IL7: variants seen among roughly 807,000 people sequenced by gnomAD.
IL7 encodes the protein interleukin 7.
IL7 carries 3 observed loss-of-function variants against 21.6 expected under a neutral mutation model. The ratio of observed to expected loss-of-function variants is 0.14; its 90% confidence interval spans 0.06 to 0.36. IL7 has a LOEUF of 0.36. Among genes scored for constraint, IL7 ranks in the 10% least tolerant of loss-of-function variants. The pLI, the probability that IL7 is intolerant of heterozygous loss-of-function variation, is 1.00. For synonymous variants in IL7, 62 were observed against 68.1 expected (o/e 0.91, Z 0.44); for missense variants, 175 against 200.2 (o/e 0.87, Z 0.76).
intron 3 of IL7, among the ~76,000 whole-genome samples, chr8:78,701,670 A>G (rs1016931345): frequency 1.3e-5 from 2 of 152,212 alleles, no homozygotes; most frequent in Non-Finnish European, 2.9e-5. Flanking sequence ...TGTTCCTGCA[A>G]TACCTAGTTT....
downstream of IL7, among the ~76,000 whole-genome samples, chr8:78,732,422 T>C (rs1811443555): frequency 6.6e-6 from 1 of 152,094 alleles, no homozygotes; most frequent in Admixed American, 6.6e-5. Flanking sequence ...GAGCATCTTC[T>C]GTAGATCAAA....
intron 3 of IL7, among the ~76,000 whole-genome samples, chr8:78,710,964 C>T (rs1485729265): frequency 6.6e-6 from 1 of 152,044 alleles, no homozygotes; most frequent in African/African-American, 2.4e-5. Context: ...AAAATGAACA[C>T]ATTCTTTTCA....
chr8:78,770,545 C>G (rs751262111), intron 2 of IL7, among the ~76,000 whole-genome samples: 4 of 152,050 alleles, frequency 2.6e-5, no homozygotes, highest in African/African-American at 7.2e-5. Flanking sequence ...TTATTCTGAA[C>G]TTTTGCTTCT....
At chr8:78,694,192 T>C (rs1013121446) in intron 3 of IL7, among the ~76,000 whole-genome samples, 2 of 152,190 alleles carry the variant, frequency 1.3e-5, no homozygotes, top group African/African-American at 4.8e-5. Flanking sequence ...TTCATAGTTG[T>C]CTGCTATTTC....
chr8:78,726,812 C>T (rs1811348967), intron 3 of IL7, among the ~76,000 whole-genome samples: 1 of 151,946 alleles, frequency 6.6e-6, no homozygotes, highest in African/African-American at 2.4e-5. Flanking sequence ...TGTTTGTTAT[C>T]GACTCAACTA....
At chr8:78,676,282 T>C (rs1012508772) in intron 4 of IL7, among the ~76,000 whole-genome samples, 4 of 151,876 alleles carry the variant, frequency 2.6e-5, no homozygotes, top group African/African-American at 9.7e-5. Context: ...TGAAGCTGGG[T>C]GATGAGTAGT....
At chr8:78,740,804 C>T (rs1232217817) in intron 2 of IL7, among the ~76,000 whole-genome samples, 3 of 151,930 alleles carry the variant, frequency 2.0e-5, no homozygotes, top group African/African-American at 7.3e-5. Flanking sequence ...TTTCCTGAGA[C>T]AGTGTAATTA....
Position 78,697,273 on chromosome 8 carries a change from C to T in IL7, n.215-11326G>A, listed in dbSNP as rs1022182454. 9.2e-6 allele frequency: 6 copies of T among 653,908 alleles called. No individual in the cohort carries two copies. In the African/African-American group the frequency reaches 1.1e-4, roughly 12 times the overall value. The allele number at this position is 653,908 out of a possible 1,614,324, so 40.5% of individuals were successfully genotyped here. A position where few individuals can be genotyped will look rare whatever the true frequency, so the allele number is the denominator to read the frequency against. On this transcript the variant is annotated intron_variant and non_coding_transcript_variant, in intron 3 of 4. Transcript: ENST00000523959. ...ATTAATGATGTGCAACCATCATCACCATTCATTTCCACAACTCTTTTCATC... is the reference window on the plus strand; with the variant it reads ...ATTAATGATGTGCAACCATCATCACTATTCATTTCCACAACTCTTTTCATC...
rs1462034126 is a variant in IL7 at position 78,760,885 on chromosome 8, C to G, written c.148-20803G>C. The G allele has an allele frequency of 1.0e-5, 16 of 1,560,464 alleles. No individual in the cohort carries two copies. The Admixed American group carries it at 1.7e-4, about 17-fold the overall frequency. On this transcript the variant is annotated intron_variant, in intron 2 of 5. Transcript: ENST00000263851. ...CGTTGAGTGAATGCAGTACTGCAGT[C>G]AAGCTACCGGCTGCAAAGAAGACAT...
intron 2 of IL7, among the ~76,000 whole-genome samples, chr8:78,772,288 G>C (rs1381265309): frequency 6.6e-6 from 1 of 152,126 alleles, no homozygotes; most frequent in Non-Finnish European, 1.5e-5. Context: ...ATAAGTGCTA[G>C]CAAAATTCAA....
At chr8:78,761,029 T>C in intron 2 of IL7, 1 of 1,612,564 alleles carries the variant, frequency 6.2e-7, no homozygotes, top group South Asian at 1.1e-5. Context: ...GTACAAATGC[T>C]CGGCCAGCTA....
At chr8:78,794,000 T>A (rs1813776275) in intron 2 of IL7, among the ~76,000 whole-genome samples, 1 of 152,148 alleles carries the variant, frequency 6.6e-6, no homozygotes, top group Non-Finnish European at 1.5e-5. Flanking sequence ...TTCAGTCACA[T>A]CTTCAGGCTC....
chr8:78,682,897 A>T (rs1809834253), intron 4 of IL7, among the ~76,000 whole-genome samples: 1 of 152,212 alleles, frequency 6.6e-6, no homozygotes, highest in Non-Finnish European at 1.5e-5. Context: ...AATTGGAGAA[A>T]TGGGCCAAAA....
chr8:78,777,872 C>G (rs1238170913), intron 2 of IL7, among the ~76,000 whole-genome samples: 1 of 152,038 alleles, frequency 6.6e-6, no homozygotes, highest in Admixed American at 6.6e-5. Context: ...AGTTTAAAAG[C>G]CTGATCGCTC....
At chr8:78,709,719 T>TAAAAAAAAAAAAA (rs762270772) in intron 3 of IL7, among the ~76,000 whole-genome samples, 1 of 130,464 alleles carries the variant, frequency 7.7e-6, no homozygotes. Flanking sequence ...GCTGATGAAC[T>TAAAAAAAAAAAAA]AAAAAAAAAA....
At chr8:78,712,046 A>G (rs1810966093) in intron 3 of IL7, 2 of 1,289,640 alleles carry the variant, frequency 1.6e-6, no homozygotes, top group African/African-American at 1.5e-5. Flanking sequence ...CAAAGGTTGT[A>G]TGACAGTGAT....
At position 78,805,106 on chromosome 8, in the gene IL7, G is replaced by A. The variant is rs1265090661; in HGVS notation, c.-184C>T. 1.0e-5 allele frequency: 6 copies of A among 590,354 alleles called. No homozygotes were observed. Among genetic ancestry groups the A allele is most frequent in the East Asian group, 3.2e-5 (1 of 31,652 alleles). 36.6% of individuals were successfully genotyped at this position (590,354 alleles called of 1,614,324 possible). On this transcript the variant is annotated 5_prime_UTR_variant, in exon 1 of 6. Transcript: ENST00000263851. ...GACTGCAGTTTCATCCATCCCAAGG[G>A]GGGCGGCACACACTACGGCGTGGCT...
intron 3 of IL7, among the ~76,000 whole-genome samples, chr8:78,695,603 G>C (rs1280290011): frequency 1.3e-5 from 2 of 152,024 alleles, no homozygotes; most frequent in East Asian, 1.9e-4. Flanking sequence ...GTTAGAGCTT[G>C]TTTTCCCTAT....
intron 2 of IL7, among the ~76,000 whole-genome samples, chr8:78,756,934 C>G (rs1233781072): frequency 6.6e-6 from 1 of 151,322 alleles, no homozygotes; most frequent in Admixed American, 6.6e-5. Flanking sequence ...TAATTTTGGG[C>G]TTGGATCCCT....
Sources: allele counts gnomAD v4.1 joint callset (sites outside exome capture counted in the v4.1 genomes callset), GRCh38; gene constraint gnomAD v4.1.1; transcripts MANE v1.5; gene names NCBI Gene and HGNC (gene_info 2026-07-23, HGNC 2026-07-21).